Variants in MED27 observed in about 807,000 individuals in gnomAD.
The protein encoded by MED27 is mediator of RNA polymerase II transcription subunit 27.
A neutral mutation model predicts 38.2 loss-of-function variants in MED27; 30 were observed. That is an observed-to-expected ratio of 0.79 (90% CI 0.59 to 1.07). The LOEUF (loss-of-function observed/expected upper bound fraction) is 1.07. Ranked by LOEUF, MED27 falls within the 50% of genes least tolerant of loss-of-function variation. MED27 has a pLI of 0.00. For missense variants in MED27, 289 were observed against 397.5 expected (o/e 0.73, Z 2.32); for synonymous variants, 122 against 153.5 (o/e 0.79, Z 1.52).
At chr9:131,867,637 G>A (rs140258731) in intron 6 of MED27, among the ~76,000 whole-genome samples, 224 of 152,352 alleles carry the variant, frequency 1.5e-3, no homozygotes, top group African/African-American at 5.0e-3. Context: ...GGGGACCAGC[G>A]GTGCTGGCAC....
At chr9:131,905,701 C>CAAAA (rs58848280) in intron 4 of MED27, among the ~76,000 whole-genome samples, 3 of 60,922 alleles carry the variant, frequency 4.9e-5, no homozygotes, top group African/African-American at 7.4e-5. Flanking sequence ...AAGACCTTGT[C>CAAAA]AAAAAAAAAA....
intron 3 of MED27, among the ~76,000 whole-genome samples, chr9:132,001,663 G>C (rs1222296566): frequency 1.3e-5 from 2 of 152,202 alleles, no homozygotes; most frequent in Admixed American, 6.5e-5. Context: ...GAGCTGATGA[G>C]GCAGCAACAA....
intron 2 of MED27, among the ~76,000 whole-genome samples, chr9:132,028,079 GC>G: frequency 6.6e-6 from 1 of 152,070 alleles, no homozygotes; most frequent in Admixed American, 6.5e-5. Context: ...CCTTCCACCT[GC>G]CTCACCAGCA....
intron 3 of MED27, among the ~76,000 whole-genome samples, chr9:132,001,981 T>C (rs1350098083): frequency 6.6e-6 from 1 of 152,212 alleles, no homozygotes; most frequent in Non-Finnish European, 1.5e-5. Flanking sequence ...TGGGAGTCAC[T>C]GTTGTTCCAA....
intron 2 of MED27, among the ~76,000 whole-genome samples, chr9:132,018,101 T>C (rs1435654306): frequency 3.3e-5 from 5 of 152,194 alleles, no homozygotes; most frequent in Non-Finnish European, 7.4e-5. Flanking sequence ...CCTGTCCCTC[T>C]CTAGAAAATA....
At chr9:132,017,956 G>A (rs1233231295) in intron 2 of MED27, among the ~76,000 whole-genome samples, 2 of 152,130 alleles carry the variant, frequency 1.3e-5, no homozygotes, top group Non-Finnish European at 1.5e-5. Context: ...TATTGAACAC[G>A]TAAGAGGCTC....
At position 132,070,110 on chromosome 9, in the gene MED27, C is replaced by T. The variant is rs141813704; in HGVS notation, c.348+7332G>A. Among the ~76,000 whole-genome samples the T allele has an allele frequency of 1.5e-3, 231 of 152,306 alleles. 2 individuals are homozygous for T. Among genetic ancestry groups the T allele is most frequent in the African/African-American group, 5.4e-3 (224 of 41,562 alleles). ...TGAGGCAAAGACACGTTCTGCCACT[C>T]GTCCCAAATTAGAAAGCTGGGAAAA... On this transcript the variant is annotated intron_variant, in intron 2 of 7. Coordinates refer to ENST00000292035, the MANE Select transcript of MED27 (RefSeq NM_004269.4).
chr9:131,958,133 T>C (rs1831143120), intron 3 of MED27, among the ~76,000 whole-genome samples: 1 of 152,124 alleles, frequency 6.6e-6, no homozygotes, highest in African/African-American at 2.4e-5. Flanking sequence ...AACTGGTATA[T>C]TTTATTTTAT....
Position 131,862,954 on chromosome 9 carries a change from T to C in MED27, c.801+109A>G, listed in dbSNP as rs898371826. 2.3e-6 allele frequency: 2 copies of C among 867,026 alleles called. No individual in the cohort carries two copies. Among genetic ancestry groups the C allele is most frequent in the Admixed American group, 2.2e-5 (1 of 44,684 alleles). 53.7% of individuals were successfully genotyped at this position (867,026 alleles called of 1,614,324 possible). A position where few individuals can be genotyped will look rare whatever the true frequency, so the allele number is the denominator to read the frequency against. Reference sequence around the variant, plus strand: ...TTAAACTGGCAGCCCCATCTCCCACTGGGAGGCCCTCAAAGTCTGAAGATG... The same window carrying C: ...TTAAACTGGCAGCCCCATCTCCCACCGGGAGGCCCTCAAAGTCTGAAGATG... On this transcript the variant is annotated intron_variant, in intron 7 of 7. Transcript: ENST00000292035. The surrounding 1 kb of genome is among the most constrained non-coding windows in gnomAD (Gnocchi z 4.6).
rs1839090657 is a variant in MED27, at chr9:131,883,865, G to A, written c.723+193C>T. On this transcript the variant is annotated intron_variant, in intron 6 of 7. Coordinates refer to ENST00000292035, the MANE Select transcript of MED27 (RefSeq NM_004269.4). The surrounding 1 kb of genome is among the most constrained non-coding windows in gnomAD (Gnocchi z 4.2). ...CCTGTACCCACCCTTAGGCAACCAC[G>A]GATCTGATTTCTGTCCCTAAGGTTT... Among the ~76,000 whole-genome samples the A allele has an allele frequency of 1.3e-5, 2 of 152,114 alleles. No homozygotes were observed. Among genetic ancestry groups the A allele is most frequent in the South Asian group, 2.1e-4 (1 of 4,818 alleles).
At position 131,997,261 on chromosome 9, in the gene MED27, C is replaced by G. The variant is rs1329911222; in HGVS notation, c.479+17076G>C. 6.6e-6 allele frequency among the ~76,000 whole-genome samples: 1 copy of G among 152,078 alleles called. No homozygotes were observed. The highest frequency in any genetic ancestry group is 1.5e-5 in the Non-Finnish European group (1 of 68,018). ...CACAGCTGATGAAGATCAGGGTAGA[C>G]AAGGAGATGCAATGGCAGATCCTCT... On this transcript the variant is annotated intron_variant, in intron 3 of 7. Coordinates refer to ENST00000292035, the MANE Select transcript of MED27 (RefSeq NM_004269.4). The surrounding 1 kb of genome is among the most constrained non-coding windows in gnomAD (Gnocchi z 4.0).
chr9:131,886,880 C>T (rs896715270), intron 5 of MED27, among the ~76,000 whole-genome samples: 14 of 152,124 alleles, frequency 9.2e-5, no homozygotes, highest in Non-Finnish European at 1.9e-4. Context: ...ACTTTTGCAT[C>T]GTTTAGTTGT....
rs377433997 is a variant in MED27, at chr9:132,060,276, C to T, written c.348+17166G>A. 3.5e-4 allele frequency among the ~76,000 whole-genome samples: 53 copies of T among 152,224 alleles called. No individual in the cohort carries two copies. The South Asian group carries it at 0.01, about 29-fold the overall frequency. On this transcript the variant is annotated intron_variant, in intron 2 of 7. Coordinates refer to ENST00000292035, the MANE Select transcript of MED27 (RefSeq NM_004269.4). ...ACACCATCTTGTCGAAATGCAGACACGTCACCACTGGCAGACAGACACAGT... is the reference window on the plus strand; with the variant it reads ...ACACCATCTTGTCGAAATGCAGACATGTCACCACTGGCAGACAGACACAGT...
intron 2 of MED27, among the ~76,000 whole-genome samples, chr9:132,053,081 G>A (rs1453823486): frequency 2.0e-5 from 3 of 152,028 alleles, no homozygotes; most frequent in East Asian, 1.9e-4. Flanking sequence ...GTGAAACCCC[G>A]TCTCTACTAA....
chr9:131,922,639 TC>T (rs67132134), intron 4 of MED27, among the ~76,000 whole-genome samples: 1 of 151,826 alleles, frequency 6.6e-6, no homozygotes, highest in Non-Finnish European at 1.5e-5. Flanking sequence ...TTTTTTCTTT[TC>T]TTTTATTATT....
chr9:132,070,559 A>C (rs1269600593), intron 2 of MED27, among the ~76,000 whole-genome samples: 1 of 152,220 alleles, frequency 6.6e-6, no homozygotes, highest in African/African-American at 2.4e-5. Flanking sequence ...CCTGTCTCAA[A>C]AAAAGGCTAA....
In MED27 at chr9:131,944,858, A is replaced by G. The variant is rs571985526; in HGVS notation, c.480-5384T>C. Among the ~76,000 whole-genome samples, 3 of 151,964 alleles carry G rather than the reference A, an allele frequency of 2.0e-5. No individual in the cohort carries two copies. The South Asian group carries it at 6.2e-4, about 32-fold the overall frequency. ...TTTGTTAGTCTTTCTTGGGTCACAG[A>G]TCCCTTGGAGAAGGTATGAAAATTA... On this transcript the variant is annotated intron_variant, in intron 3 of 7. Transcript: ENST00000292035.
At chr9:132,005,258 A>G (rs1832334542) in intron 3 of MED27, among the ~76,000 whole-genome samples, 1 of 152,234 alleles carries the variant, frequency 6.6e-6, no homozygotes, top group African/African-American at 2.4e-5. Flanking sequence ...AGATGATCCC[A>G]TACCCTTGGC....
intron 3 of MED27, among the ~76,000 whole-genome samples, chr9:131,984,832 C>A (rs1831814521): frequency 1.3e-5 from 2 of 152,088 alleles, no homozygotes; most frequent in South Asian, 4.1e-4. Flanking sequence ...CCTGTTATGG[C>A]CTCACTGTGG....
Sources: allele counts gnomAD v4.1 joint callset (sites outside exome capture counted in the v4.1 genomes callset), GRCh38; gene constraint gnomAD v4.1.1; non-coding constraint Gnocchi (gnomAD v3.1); transcripts MANE v1.5; gene names NCBI Gene and HGNC (gene_info 2026-07-23, HGNC 2026-07-21).